AQR: variants seen among roughly 807,000 people sequenced by gnomAD.
AQR encodes aquarius intron-binding spliceosomal factor, also known as RNA helicase aquarius.
AQR carries 61 observed loss-of-function variants against 180.5 expected under a neutral mutation model. The observed-to-expected ratio is 0.34, with a 90% CI of 0.28 to 0.42. The LOEUF is 0.42. Ranked by LOEUF, AQR falls within the 10% of genes least tolerant of loss-of-function variation. AQR has a pLI of 1.00. For missense variants in AQR, 1,281 were observed against 1,798.3 expected, an observed-to-expected ratio of 0.71 and a Z score of 5.20; for synonymous variants, 551 against 588.8, an observed-to-expected ratio of 0.94 and a Z score of 0.93.
At chr15:34,925,056 A>C (rs552056185) in intron 13 of AQR, among the ~76,000 whole-genome samples, 63 of 152,308 alleles carry the variant, frequency 4.1e-4, no homozygotes, top group African/African-American at 1.5e-3. Context: ...TAAAAAATTT[A>C]AAATATCTGT....
At chr15:34,871,546 A>G (rs535091126) in intron 30 of AQR, among the ~76,000 whole-genome samples, 92 of 152,184 alleles carry the variant, frequency 6.0e-4, no homozygotes, top group Non-Finnish European at 9.9e-4. Flanking sequence ...ATGTGCCACA[A>G]CTGTAGTTAC....
intron 34 of AQR, among the ~76,000 whole-genome samples, chr15:34,858,717 AG>A (rs1214363299): frequency 6.6e-6 from 1 of 152,242 alleles, no homozygotes; most frequent in East Asian, 1.9e-4. Flanking sequence ...TAATCAAGGT[AG>A]TACAGTCATG....
chr15:34,910,003 A>G, intron 17 of AQR, 132 bp downstream of exon 17: 1 of 1,077,522 alleles, frequency 9.3e-7, no homozygotes, highest in South Asian at 1.8e-5. Flanking sequence ...CTATTCTTTA[A>G]ATCAAATTTC....
chr15:34,933,303 CAT>C (rs1011229868), intron 10 of AQR, among the ~76,000 whole-genome samples: 6 of 152,166 alleles, frequency 3.9e-5, no homozygotes, highest in African/African-American at 1.4e-4. Flanking sequence ...TGCTAATACT[CAT>C]ATCAAAAAAC....
Position 34,932,061 on chromosome 15 carries a change from T to G in AQR, c.900+257A>C, listed in dbSNP as rs1893872837. 2.0e-5 allele frequency among the ~76,000 whole-genome samples: 3 copies of G among 152,172 alleles called. 1 individual carries two copies. The South Asian group carries it at 6.2e-4, about 32-fold the overall frequency. The stretch of plus-strand genomic sequence containing the variant: ...ATCAGCTACTATATTTCACATAAAA[T>G]CAAAACTTGTGAACATGTGTGACTG... On this transcript the variant is annotated intron_variant, in intron 11 of 34. Coordinates refer to ENST00000156471, the MANE Select transcript of AQR (RefSeq NM_014691.3).
rs149030234 is a variant in AQR, at chr15:34,894,061, G to C, written c.2461-288C>G. On this transcript the variant is annotated intron_variant, in intron 22 of 34. Transcript: ENST00000156471. ...CAAATTCTAAGACAGAAAGGAAAAA[G>C]AGTATGGCATAGACAAAATTTTAGA... 2.0e-5 allele frequency among the ~76,000 whole-genome samples: 3 copies of C among 152,172 alleles called. No homozygotes were observed. In the East Asian group the frequency reaches 5.8e-4, roughly 29 times the overall value.
In AQR at chr15:34,915,039, A is replaced by G. The variant is rs1893559741; in HGVS notation, c.1483T>C (p.Trp495Arg). 2 of 1,599,322 alleles carry G rather than the reference A, an allele frequency of 1.3e-6. No individual in the cohort carries two copies. The highest frequency in any genetic ancestry group is 1.7e-4 in the Middle Eastern group (1 of 5,970). The change falls in exon 16 of 35, where the codon TGG becomes CGG. Residue 495 changes from tryptophan to arginine, a missense_variant and splice_region_variant. Transcript: ENST00000156471. ...IEDSVSRMKP[W>R]QSEYGGVVFG... is the part of the protein sequence containing the mutation. ...TACAGGTGGAACCAATTTACTAACC[A>G]TGGCTTCATTCTGCTGACACTATCT...
At chr15:34,880,042 G>A (rs1306069128) in intron 27 of AQR, among the ~76,000 whole-genome samples, 1 of 152,020 alleles carries the variant, frequency 6.6e-6, no homozygotes. Flanking sequence ...AAGATTATAG[G>A]GCTTCCTGAC....
At position 34,856,680 on chromosome 15, in the gene AQR, C is replaced by G. The variant is rs749142394; in HGVS notation, c.*112G>C. 5.6e-6 allele frequency: 5 copies of G among 895,148 alleles called. No individual in the cohort carries two copies. Among genetic ancestry groups the G allele is most frequent in the Non-Finnish European group, 8.0e-6 (5 of 623,940 alleles). The allele number at this position is 895,148 out of a possible 1,614,324, so 55.5% of individuals were successfully genotyped here. ...CGAAATCAGTTAACAAATATAAGAA[C>G]TAAACATTAATTAGTGACAGTAAAA... On this transcript the variant is annotated 3_prime_UTR_variant, in exon 35 of 35. Coordinates refer to ENST00000156471, the MANE Select transcript of AQR (RefSeq NM_014691.3).
intron 26 of AQR, 75 bp downstream of exon 26, chr15:34,884,450 A>T: frequency 8.1e-7 from 1 of 1,236,488 alleles, no homozygotes; most frequent in South Asian, 1.4e-5. Context: ...TGAATATTTC[A>T]CATTTACTTC....
chr15:34,874,977 A>G lies in AQR; in HGVS notation c.3238-113T>C, dbSNP rs1482271910. 3 of 975,062 alleles carry G rather than the reference A, an allele frequency of 3.1e-6. No individual in the cohort carries two copies. The African/African-American group carries it at 5.0e-5, about 16-fold the overall frequency. 60.4% of individuals were successfully genotyped at this position (975,062 alleles called of 1,614,324 possible). A position where few individuals can be genotyped will look rare whatever the true frequency, so the allele number is the denominator to read the frequency against. The stretch of plus-strand genomic sequence containing the variant: ...CAGCTTCCTTATCTTACAAATTACC[A>G]AACTTTACCAGCTCCACAAACAGGA... On this transcript the variant is annotated intron_variant, in intron 28 of 34. Coordinates refer to ENST00000156471, the MANE Select transcript of AQR (RefSeq NM_014691.3).
At chr15:34,965,368 C>A (rs2050304674) in intron 1 of AQR, among the ~76,000 whole-genome samples, 1 of 152,128 alleles carries the variant, frequency 6.6e-6, no homozygotes, top group African/African-American at 2.4e-5. Context: ...ACAGTAACTT[C>A]CTACTTAAAT....
At chr15:34,888,800 T>C (rs1353885889) in intron 24 of AQR, among the ~76,000 whole-genome samples, 1 of 152,242 alleles carries the variant, frequency 6.6e-6, no homozygotes, top group African/African-American at 2.4e-5. Context: ...AACCACTCCT[T>C]CTCTACAACT....
intron 3 of AQR, 111 bp from the exon 4 acceptor site, chr15:34,953,031 A>G: frequency 1.7e-6 from 1 of 602,680 alleles, no homozygotes; most frequent in East Asian, 3.3e-5. Flanking sequence ...CCCATCTATC[A>G]AAATTCATAA....
At chr15:34,936,153 C>G (rs1893940454) in intron 9 of AQR, among the ~76,000 whole-genome samples, 1 of 152,154 alleles carries the variant, frequency 6.6e-6, no homozygotes, top group Non-Finnish European at 1.5e-5. Flanking sequence ...TATACTGTAA[C>G]TTTTTTTCCC....
Position 34,884,573 on chromosome 15 carries a change from A to G in AQR, c.2979T>C (p.Ile993=). The G allele has an allele frequency of 1.2e-6, 2 of 1,603,322 alleles. No homozygotes were observed. Among genetic ancestry groups the G allele is most frequent in the Non-Finnish European group, 1.7e-6 (2 of 1,177,316 alleles). ...TAATATGCCTGAAACATCCTTCAGC[A>G]ATTTCCATGTCTTCTTCATAAGATC... is the stretch of plus-strand genomic sequence containing the variant. The part of the protein sequence containing the change: ...KGRSYEEDME[I]AEGCFRHIKK... The change falls in exon 26 of 35, where the codon ATT becomes ATC. Residue 993 remains isoleucine, a synonymous_variant. Coordinates refer to ENST00000156471, the MANE Select transcript of AQR (RefSeq NM_014691.3).
rs386382691 is a variant in AQR, at chr15:34,893,607, G to GCACACACACA, written c.2571+46_2571+55dup. The GCACACACACA allele has an allele frequency of 2.3e-3, 2,333 of 999,184 alleles. 26 individuals carry two copies. The highest frequency in any genetic ancestry group is 0.021 in the East Asian group (719 of 35,036). The allele number at this position is 999,184 out of a possible 1,614,324, so 61.9% of individuals were successfully genotyped here. On this transcript the variant is annotated intron_variant, in intron 23 of 34. Transcript: ENST00000156471. ...CATACCCATGTGCATGCGCATGCGTGCACACACACACACACACACACACAC... is the reference window on the plus strand; with the variant it reads ...CATACCCATGTGCATGCGCATGCGTGCACACACACACACACACACACACACACACACACAC...
At chr15:34,920,305 C>T in intron 14 of AQR, 27 bp downstream of exon 14, 1 of 1,539,794 alleles carries the variant, frequency 6.5e-7, no homozygotes, top group Non-Finnish European at 8.9e-7. Context: ...AAACCACATG[C>T]AAAATTCAGA....
At chr15:34,877,244 T>C (rs1892900449) in intron 27 of AQR, among the ~76,000 whole-genome samples, 1 of 152,224 alleles carries the variant, frequency 6.6e-6, no homozygotes. Flanking sequence ...TTCTGATCGC[T>C]ACTTAGTATG....
Sources: gnomAD v4.1 joint callset for allele counts (sites outside exome capture counted in the v4.1 genomes callset) on GRCh38, gnomAD v4.1.1 for gene constraint, MANE v1.5 for transcripts, NCBI Gene and HGNC (gene_info 2026-07-23, HGNC 2026-07-21) for gene names.